DNAH10: variants seen among roughly 807,000 people sequenced by gnomAD.
DNAH10 encodes the protein axonemal beta dynein heavy chain 10.
DNAH10 carries 348 observed loss-of-function variants against 506.6 expected under a neutral mutation model. The ratio of observed to expected loss-of-function variants is 0.69; its 90% CI spans 0.63 to 0.75. DNAH10 has a LOEUF of 0.75. Ranked by LOEUF, DNAH10 falls within the 30% of genes least tolerant of loss-of-function variation. The pLI, the probability that DNAH10 is intolerant of heterozygous loss-of-function variation, is 0.00. For synonymous variants in DNAH10, 2,059 were observed against 2,198.6 expected (o/e 0.94, Z 1.78); for missense variants, 5,179 against 5,787.1 (o/e 0.89, Z 3.41).
At chr12:123,896,558 CA>C (rs933397562) in intron 54 of DNAH10, among the ~76,000 whole-genome samples, 7 of 152,114 alleles carry the variant, frequency 4.6e-5, no homozygotes, top group Non-Finnish European at 8.8e-5. Context: ...TAAGCCCACC[CA>C]GTCCTCGGGC....
In DNAH10 at chr12:123,916,353, G is replaced by C; in HGVS notation, c.10723-104G>C. On this transcript the variant is annotated intron_variant, in intron 62 of 78. Coordinates refer to ENST00000673944, the MANE Select transcript of DNAH10 (RefSeq NM_001372106.1). This position sits in a 1 kb window ranked among gnomAD's most constrained non-coding sequence, Gnocchi z 4.6. ...TCTTTTCACCTCTGGCCCCCTCCAA[G>C]TTCCTGGCCCATCCACTTCCCACTT... The C allele has an allele frequency of 6.9e-7, 1 of 1,453,304 alleles. No homozygotes were observed. Among genetic ancestry groups the C allele is most frequent in the Non-Finnish European group, 9.3e-7 (1 of 1,079,514 alleles). The allele number at this position is 1,453,304 out of a possible 1,614,324, so 90.0% of individuals were successfully genotyped here. A position where few individuals can be genotyped will look rare whatever the true frequency, so the allele number is the denominator to read the frequency against.
At chr12:123,843,049 G>C (rs975409980) in intron 30 of DNAH10, among the ~76,000 whole-genome samples, 2 of 152,234 alleles carry the variant, frequency 1.3e-5, no homozygotes, top group Non-Finnish European at 2.9e-5. Context: ...ACCAGCATCA[G>C]TTGATTTTAT....
intron 5 of DNAH10, among the ~76,000 whole-genome samples, chr12:123,775,556 T>C (rs1957408895): frequency 6.6e-6 from 1 of 151,904 alleles, no homozygotes; most frequent in Non-Finnish European, 1.5e-5. Flanking sequence ...CATGATAGGA[T>C]GTGGAGGAAG....
Position 123,788,460 on chromosome 12 carries a change from C to T in DNAH10, c.1620+458C>T, listed in dbSNP as rs1957947377. Among the ~76,000 whole-genome samples the T allele has an allele frequency of 5.3e-5, 8 of 152,170 alleles. No individual in the cohort carries two copies. In the South Asian group the frequency reaches 1.7e-3, roughly 32 times the overall value. On this transcript the variant is annotated intron_variant, in intron 10 of 78. Transcript: ENST00000673944. ...CTTGTCTCCTAAAGGTTCACCCACC[C>T]CTTCATTCTAAATGCATTCACGGAG...
intron 10 of DNAH10, among the ~76,000 whole-genome samples, chr12:123,789,522 T>G (rs1957999265): frequency 6.6e-6 from 1 of 152,086 alleles, no homozygotes; most frequent in Non-Finnish European, 1.5e-5. Context: ...TAGCTGGGAT[T>G]ACAGGCATGC....
chr12:123,846,256 G>C lies in DNAH10; in HGVS notation c.5814+102G>C. On this transcript the variant is annotated intron_variant, in intron 32 of 78. Transcript: ENST00000673944. This position sits in a 1 kb window ranked among gnomAD's most constrained non-coding sequence, Gnocchi z 4.5. Reference sequence around the variant, plus strand: ...CTGCAGTGATTGAAATAGCAGGGGAGATCATTGCTTTGAAATCTCGAAAAG... The same window carrying C: ...CTGCAGTGATTGAAATAGCAGGGGACATCATTGCTTTGAAATCTCGAAAAG... 1 of 1,349,496 alleles carries C rather than the reference G, an allele frequency of 7.4e-7. No individual in the cohort carries two copies. Among genetic ancestry groups the C allele is most frequent in the Non-Finnish European group, 9.9e-7 (1 of 1,009,318 alleles). The allele number at this position is 1,349,496 out of a possible 1,614,324, so 83.6% of individuals were successfully genotyped here.
Position 123,902,929 on chromosome 12 carries a change from T to G in DNAH10, c.9641-10T>G. ...CCCAAGCTTTACTCACCCCCTGTCCTACCCTGCAGCCGAGGAGAAGAAGAA... is the reference window on the plus strand; with the variant it reads ...CCCAAGCTTTACTCACCCCCTGTCCGACCCTGCAGCCGAGGAGAAGAAGAA... On this transcript the variant is annotated splice_polypyrimidine_tract_variant and intron_variant, in intron 56 of 78. Coordinates refer to ENST00000673944, the MANE Select transcript of DNAH10 (RefSeq NM_001372106.1). The surrounding 1 kb of genome is among the most constrained non-coding windows in gnomAD (Gnocchi z 4.5). 1 of 1,574,540 alleles carries G rather than the reference T, an allele frequency of 6.4e-7. No individual in the cohort carries two copies. The highest frequency in any genetic ancestry group is 8.6e-7 in the Non-Finnish European group (1 of 1,160,544).
intron 28 of DNAH10, among the ~76,000 whole-genome samples, chr12:123,837,046 T>C (rs1447617652): frequency 6.7e-6 from 1 of 149,154 alleles, no homozygotes; most frequent in Non-Finnish European, 1.5e-5. Context: ...AGAGACGGGG[T>C]TTCACCGTGT....
At chr12:123,815,028 A>C (rs1959096255) in intron 21 of DNAH10, among the ~76,000 whole-genome samples, 1 of 152,206 alleles carries the variant, frequency 6.6e-6, no homozygotes, top group Admixed American at 6.5e-5. Context: ...GTCACACACA[A>C]AAAATGAATC....
chr12:123,776,721 A>C (rs1222166235), intron 5 of DNAH10, among the ~76,000 whole-genome samples: 10 of 152,170 alleles, frequency 6.6e-5, no homozygotes, highest in African/African-American at 1.9e-4. Flanking sequence ...TAGACATTCA[A>C]ATCAAGACGT....
chr12:123,934,161 C>A, intron 77 of DNAH10: 1 of 689,640 alleles, frequency 1.5e-6, no homozygotes, highest in Admixed American at 2.0e-5. Context: ...GTGTTCCTCT[C>A]TTTGCACATC....
Position 123,924,338 on chromosome 12 carries a change from G to C in DNAH10, c.11672G>C (p.Gly3891Ala). 2 of 1,613,554 alleles carry C rather than the reference G, an allele frequency of 1.2e-6. No homozygotes were observed. Among genetic ancestry groups the C allele is most frequent in the Non-Finnish European group, 1.7e-6 (2 of 1,179,656 alleles). ...KKPCAWLSDQ[G>A]WEDIILLSEM... ...CCCTGCGCTTGGTTGTCTGACCAAG[G>C]ATGGGAAGATATCATTCTTTTATCA... Residue 3891 changes from glycine to alanine, a missense_variant, in exon 67 of 79, where the codon GGA becomes GCA. Transcript: ENST00000673944.
Position 123,787,951 on chromosome 12 carries a change from G to C in DNAH10, c.1569G>C (p.Glu523Asp). The change falls in exon 10 of 79, where the codon GAG becomes GAC. Residue 523 changes from glutamate to aspartate, a missense_variant. Coordinates refer to ENST00000673944, the MANE Select transcript of DNAH10 (RefSeq NM_001372106.1). This position sits in a 1 kb window ranked among gnomAD's most constrained non-coding sequence, Gnocchi z 4.6. The stretch of plus-strand genomic sequence containing the variant: ...AGTTTGACCGGAAGCGGCTGTTCGA[G>C]AGGACGGATTATATGGCCACCATCT... Reference protein sequence around the residue: ...RWEFDRKRLFERTDYMATICQ... With the variant: ...RWEFDRKRLFDRTDYMATICQ... The C allele has an allele frequency of 1.3e-6, 2 of 1,596,582 alleles. No homozygotes were observed. The highest frequency in any genetic ancestry group is 1.7e-6 in the Non-Finnish European group (2 of 1,171,644).
At chr12:123,803,534 A>C (rs1958548383) in intron 16 of DNAH10, 127 bp from the exon 17 acceptor site, 1 of 929,710 alleles carries the variant, frequency 1.1e-6, no homozygotes, top group Admixed American at 3.4e-5. Context: ...CCAAAGACCC[A>C]AGGGGTTGGA....
In DNAH10 at chr12:123,771,676, T is replaced by C. The variant is rs774115879; in HGVS notation, c.374T>C (p.Ile125Thr). The C allele has an allele frequency of 6.2e-7, 1 of 1,612,490 alleles. No homozygotes were observed. Among genetic ancestry groups the C allele is most frequent in the South Asian group, 1.1e-5 (1 of 90,482 alleles). The change falls in exon 3 of 79, where the codon ATT (isoleucine) becomes ACT (threonine). Residue 125 changes from isoleucine (I) to threonine (T), a missense_variant. Around this residue, in one of 3 missense-constraint regions of DNAH10, gnomAD observed 326 missense variants for 330.8 expected, o/e 0.99. Transcript: ENST00000673944. ...NREDEEMDKE[I>T]SEKLPSKRTA... ...GAGGATGAAGAAATGGACAAAGAGA[T>C]TTCAGAAAAACTCCCTTCCAAAGTA... is the stretch of plus-strand genomic sequence containing the variant.
chr12:123,816,748 A>T (rs1384038264), intron 21 of DNAH10, among the ~76,000 whole-genome samples: 2 of 152,302 alleles, frequency 1.3e-5, no homozygotes. Flanking sequence ...TGCAACTGGC[A>T]TCTGAAGTGA....
chr12:123,764,215 C>T (rs1048966205), intron 1 of DNAH10, among the ~76,000 whole-genome samples: 2 of 152,100 alleles, frequency 1.3e-5, no homozygotes, highest in African/African-American at 4.8e-5. Flanking sequence ...AAATAAAACG[C>T]CTTCATCATA....
chr12:123,813,628 T>G lies in DNAH10; in HGVS notation c.3609T>G (p.His1203Gln). 1.2e-6 allele frequency: 2 copies of G among 1,614,156 alleles called. No homozygotes were observed. The highest frequency in any genetic ancestry group is 1.7e-6 in the Non-Finnish European group (2 of 1,179,980). The change falls in exon 20 of 79, where the codon CAT (histidine) becomes CAG (glutamine). Residue 1203 changes from histidine to glutamine, a missense_variant. Transcript: ENST00000673944. The part of the protein sequence containing the change: ...ESAKEELYNL[H>Q]EEMEHLAKNL... ...CAAAAGAGGAGCTCTATAATCTCCA[T>G]GAAGAGATGGAGGTACTCAATCGCT...
Position 123,810,411 on chromosome 12 carries a change from G to A in DNAH10, c.3144+1458G>A, listed in dbSNP as rs187821365. Among the ~76,000 whole-genome samples, 94 of 152,200 alleles carry A rather than the reference G, an allele frequency of 6.2e-4. 1 individual carries two copies. The highest frequency in any genetic ancestry group is 3.5e-3 in the Admixed American group (53 of 15,294). ...AAAATTGATGAATAAGGCCAGGCGC[G>A]GTGGCTCACGCCTGTAATCCCAGCA... On this transcript the variant is annotated intron_variant, in intron 19 of 78. Coordinates refer to ENST00000673944, the MANE Select transcript of DNAH10 (RefSeq NM_001372106.1).
Sources: gnomAD v4.1 joint callset for allele counts (sites outside exome capture counted in the v4.1 genomes callset) on GRCh38, gnomAD v4.1.1 for gene constraint, gnomAD v4.1.1 regional missense constraint, Gnocchi (gnomAD v3.1) non-coding constraint, MANE v1.5 for transcripts, NCBI Gene and HGNC (gene_info 2026-07-23, HGNC 2026-07-21) for gene names.